Variants in IQCK observed in about 807,000 individuals in gnomAD.
The protein encoded by IQCK is IQ domain-containing protein K.
In IQCK, 29 loss-of-function variants were observed where a neutral mutation model predicts 28.1. The ratio of observed to expected loss-of-function variants is 1.03; its 90% CI spans 0.77 to 1.41. The LOEUF is 1.41. Among genes scored for constraint, IQCK ranks in the 40% most tolerant of loss-of-function variants. IQCK has a pLI of 0.00. For missense variants in IQCK, 359 were observed against 314.7 expected (o/e 1.14, Z -1.07); for synonymous variants, 113 against 115.1 (o/e 0.98, Z 0.12).
At chr16:19,806,958 A>G (rs1278913792) in intron 7 of IQCK, among the ~76,000 whole-genome samples, 2 of 152,192 alleles carry the variant, frequency 1.3e-5, no homozygotes, top group Non-Finnish European at 2.9e-5. Flanking sequence ...GATTCCCATT[A>G]CTGGGGAGTC....
At chr16:19,856,500 G>A (rs925994165) in exon 10 of IQCK, 1 of 1,613,602 alleles carries the variant, frequency 6.2e-7, no homozygotes, top group Non-Finnish European at 8.5e-7. Flanking sequence ...AATGCAAAAT[G>A]GAGGACGATG....
At chr16:19,773,381 C>T (rs1380681588) in intron 6 of IQCK, among the ~76,000 whole-genome samples, 1 of 152,164 alleles carries the variant, frequency 6.6e-6, no homozygotes, top group South Asian at 2.1e-4. Context: ...AACGCCAACC[C>T]TCCCACCAAA....
In IQCK at chr16:19,734,374, C is replaced by T. The variant is rs558375625; in HGVS notation, c.376+547C>T. On this transcript the variant is annotated intron_variant, in intron 3 of 7. Transcript: ENST00000564186. ...TAGCTGGGCATGGTGGCAGGAGAAT[C>T]TCTTGAACCTGGGAGGCGGAGGTTG... 1.5e-4 allele frequency among the ~76,000 whole-genome samples: 22 copies of T among 149,826 alleles called. 1 individual carries two copies. Among genetic ancestry groups the T allele is most frequent in the African/African-American group, 5.4e-4 (22 of 40,392 alleles).
chr16:19,838,434 C>T (rs1034870903), intron 9 of IQCK, among the ~76,000 whole-genome samples: 1 of 152,152 alleles, frequency 6.6e-6, no homozygotes, highest in African/African-American at 2.4e-5. Context: ...GTAGGAAGCA[C>T]ATATTCTGGA....
Position 19,750,180 on chromosome 16 carries a change from G to A in IQCK, c.475-13668G>A, listed in dbSNP as rs552055063. On this transcript the variant is annotated intron_variant, in intron 4 of 7. Transcript: ENST00000564186. ...GTCGCGCCGTGGCCCAGGCTGGAGT[G>A]CAGTGGCGTGATCCTGGCTTACTGC... Among the ~76,000 whole-genome samples, 87 of 152,026 alleles carry A rather than the reference G, an allele frequency of 5.7e-4. 1 individual carries two copies. Among genetic ancestry groups the A allele is most frequent in the Non-Finnish European group, 9.4e-4 (64 of 68,004 alleles).
At chr16:19,834,857 C>T (rs986883073) in intron 9 of IQCK, among the ~76,000 whole-genome samples, 5 of 152,056 alleles carry the variant, frequency 3.3e-5, no homozygotes, top group African/African-American at 1.2e-4. Context: ...AGTTGAGAAC[C>T]TTTGTGACCA....
At chr16:19,741,600 G>T (rs1480271250) in intron 4 of IQCK, among the ~76,000 whole-genome samples, 1 of 152,178 alleles carries the variant, frequency 6.6e-6, no homozygotes, top group East Asian at 1.9e-4. Context: ...AAACAGTCTA[G>T]ATGTCAGATG....
intron 6 of IQCK, among the ~76,000 whole-genome samples, chr16:19,767,219 C>G (rs747866568): frequency 1.3e-5 from 2 of 152,170 alleles, no homozygotes; most frequent in Non-Finnish European, 2.9e-5. Context: ...ACCAGGTGCT[C>G]TCTTAGTTTG....
chr16:19,846,434 C>T (rs1052841352), intron 9 of IQCK, among the ~76,000 whole-genome samples: 3 of 152,190 alleles, frequency 2.0e-5, no homozygotes, highest in South Asian at 2.1e-4. Flanking sequence ...AATCAAGACC[C>T]TTTACGGGGT....
At chr16:19,779,939 G>A (rs954803017) in intron 6 of IQCK, among the ~76,000 whole-genome samples, 1 of 151,532 alleles carries the variant, frequency 6.6e-6, no homozygotes, top group African/African-American at 2.4e-5. Flanking sequence ...GGATGGTCTC[G>A]ATATCCTGAC....
chr16:19,849,290 C>G (rs1440595738), intron 9 of IQCK, among the ~76,000 whole-genome samples: 1 of 147,036 alleles, frequency 6.8e-6, no homozygotes, highest in African/African-American at 2.5e-5. Context: ...ATTTGAGATG[C>G]TGGGTTATAA....
chr16:19,753,433 AAAAT>A (rs763131969), intron 4 of IQCK, among the ~76,000 whole-genome samples: 13 of 152,148 alleles, frequency 8.5e-5, no homozygotes, highest in Non-Finnish European at 1.2e-4. Context: ...CTCTAAAAAT[AAAAT>A]AAATAAATAA....
At chr16:19,813,742 A>G (rs879648379) in intron 7 of IQCK, among the ~76,000 whole-genome samples, 5 of 152,206 alleles carry the variant, frequency 3.3e-5, no homozygotes, top group African/African-American at 4.8e-5. Context: ...ATTAACCAAT[A>G]GGAAATAAAT....
intron 4 of IQCK, among the ~76,000 whole-genome samples, chr16:19,744,693 A>AT (rs1158509434): frequency 6.6e-6 from 1 of 152,176 alleles, no homozygotes; most frequent in Non-Finnish European, 1.5e-5. Flanking sequence ...AGTAATTGAG[A>AT]TTTTTTAAGT....
chr16:19,848,514 T>C (rs1414303330), intron 9 of IQCK, among the ~76,000 whole-genome samples: 1 of 152,248 alleles, frequency 6.6e-6, no homozygotes, highest in Non-Finnish European at 1.5e-5. Flanking sequence ...TTTTAAAAGA[T>C]GCTAAATGAA....
At chr16:19,721,249 A>G (rs1350182159) in intron 1 of IQCK, among the ~76,000 whole-genome samples, 5 of 152,236 alleles carry the variant, frequency 3.3e-5, no homozygotes, top group Admixed American at 1.3e-4. Flanking sequence ...TTCAAAAGAC[A>G]AATTATCATA....
intron 9 of IQCK, among the ~76,000 whole-genome samples, chr16:19,854,115 C>T (rs2056522870): frequency 6.6e-6 from 1 of 152,244 alleles, no homozygotes. Context: ...CTTTACCTAG[C>T]TACTGATGCC....
intron 9 of IQCK, among the ~76,000 whole-genome samples, chr16:19,842,418 A>G (rs566030169): frequency 1.3e-5 from 2 of 152,340 alleles, no homozygotes; most frequent in African/African-American, 2.4e-5. Context: ...TTTGGTTCCC[A>G]TGGTTTTAGA....
intron 4 of IQCK, among the ~76,000 whole-genome samples, chr16:19,759,209 A>AAGT (rs1030537350): frequency 2.0e-5 from 3 of 151,812 alleles, no homozygotes; most frequent in Non-Finnish European, 2.9e-5. Flanking sequence ...TTTTAAAATT[A>AAGT]ATTATTATTA....
Sources: gnomAD v4.1 joint callset for allele counts (sites outside exome capture counted in the v4.1 genomes callset) on GRCh38, gnomAD v4.1.1 for gene constraint, MANE v1.5 for transcripts, NCBI Gene and HGNC (gene_info 2026-07-23, HGNC 2026-07-21) for gene names.